Variants in WDR41 observed in about 807,000 individuals in gnomAD.
WDR41 encodes WD repeat domain 41.
A neutral mutation model predicts 69.3 loss-of-function variants in WDR41; 63 were observed. That is an observed-to-expected ratio of 0.91 (90% confidence interval 0.74 to 1.12). The LOEUF (loss-of-function observed/expected upper bound fraction) is 1.12. Among genes scored for constraint, WDR41 ranks in the 50% most tolerant of loss-of-function variants. WDR41 has a pLI of 0.00. For missense variants in WDR41, 543 were observed against 534.5 expected (o/e 1.02, Z -0.16); for synonymous variants, 185 against 192.1 (o/e 0.96, Z 0.31).
At chr5:77,538,363 C>G (rs923080767) in intron 1 of WDR41, among the ~76,000 whole-genome samples, 5 of 152,110 alleles carry the variant, frequency 3.3e-5, no homozygotes, top group African/African-American at 1.2e-4. Context: ...GGTAGTGTGA[C>G]ACTGAGGTTT....
intron 12 of WDR41, among the ~76,000 whole-genome samples, chr5:77,433,957 G>GA (rs1464130152): frequency 2.0e-5 from 3 of 152,332 alleles, no homozygotes; most frequent in Non-Finnish European, 2.9e-5. Flanking sequence ...AAGGCAGCAT[G>GA]AATACTATGG....
At chr5:77,464,906 A>G in intron 2 of WDR41, 97 bp from the exon 3 acceptor site, 2 of 1,215,760 alleles carry the variant, frequency 1.6e-6, no homozygotes, top group Non-Finnish European at 2.4e-6. Context: ...ATTTTGACTA[A>G]TATTAACGAA....
chr5:77,580,494 T>G (rs1033337575), intron 1 of WDR41, among the ~76,000 whole-genome samples: 4 of 151,988 alleles, frequency 2.6e-5, no homozygotes, highest in Non-Finnish European at 4.4e-5. Context: ...GAGATTTGGG[T>G]GGGGACACAG....
intron 1 of WDR41, among the ~76,000 whole-genome samples, chr5:77,514,869 A>G (rs1456409084): frequency 3.3e-5 from 5 of 152,216 alleles, no homozygotes; most frequent in Non-Finnish European, 5.9e-5. Flanking sequence ...CAGTAAAGAT[A>G]CAGTATGAAA....
chr5:77,459,194 A>T, intron 4 of WDR41, 70 bp from the exon 5 acceptor site: 1 of 1,143,690 alleles, frequency 8.7e-7, no homozygotes, highest in South Asian at 1.4e-5. Context: ...TCTAATTAAC[A>T]ATTAAGCCAC....
intron 1 of WDR41, among the ~76,000 whole-genome samples, chr5:77,519,110 C>T (rs1304109169): frequency 2.6e-5 from 4 of 151,740 alleles, no homozygotes; most frequent in African/African-American, 9.7e-5. Flanking sequence ...GGTACTTGAC[C>T]AGTATAATTC....
intron 10 of WDR41, 77 bp downstream of exon 10, chr5:77,438,163 C>T: frequency 1.9e-6 from 3 of 1,590,410 alleles, no homozygotes; most frequent in South Asian, 1.1e-5. Context: ...GTAACTTGGC[C>T]ACTTGAGAAA....
chr5:77,470,786 T>TA (rs974673615), intron 2 of WDR41, among the ~76,000 whole-genome samples: 13 of 152,236 alleles, frequency 8.5e-5, no homozygotes, highest in African/African-American at 3.1e-4. Context: ...AGCAAGTCCT[T>TA]AGAGACCTAG....
intron 1 of WDR41, among the ~76,000 whole-genome samples, chr5:77,574,518 AT>A (rs1437392540): frequency 6.6e-6 from 1 of 151,904 alleles, no homozygotes; most frequent in Non-Finnish European, 1.5e-5. Context: ...TTTTATGTAT[AT>A]TTTTTTCATT....
chr5:77,613,779 A>G (rs972050623), intron 1 of WDR41, among the ~76,000 whole-genome samples: 10 of 152,124 alleles, frequency 6.6e-5, no homozygotes, highest in African/African-American at 2.2e-4. Flanking sequence ...GGCAACAAAA[A>G]CCAAAATTGA....
chr5:77,469,997 T>A (rs1800500376), intron 2 of WDR41, among the ~76,000 whole-genome samples: 1 of 150,104 alleles, frequency 6.7e-6, no homozygotes, highest in Non-Finnish European at 1.5e-5. Flanking sequence ...AAAGTTGAAA[T>A]GAAGGAAAAA....
chr5:77,501,271 T>G (rs1444513501), intron 1 of WDR41, among the ~76,000 whole-genome samples: 1 of 152,244 alleles, frequency 6.6e-6, no homozygotes, highest in Non-Finnish European at 1.5e-5. Context: ...CCTTGCTCAC[T>G]GCTAGTGTAG....
intron 2 of WDR41, among the ~76,000 whole-genome samples, chr5:77,467,296 G>A (rs1191245915): frequency 1.3e-5 from 2 of 151,938 alleles, no homozygotes; most frequent in African/African-American, 4.8e-5. Context: ...AAGATTTTGA[G>A]AGAAATGTTT....
At chr5:77,534,625 GCTTT>G (rs1038332312) in intron 1 of WDR41, among the ~76,000 whole-genome samples, 3 of 151,982 alleles carry the variant, frequency 2.0e-5, no homozygotes, top group Non-Finnish European at 4.4e-5. Flanking sequence ...GTGGAGACAG[GCTTT>G]CACTATGTTG....
chr5:77,437,734 A>C (rs73139083), intron 10 of WDR41, among the ~76,000 whole-genome samples: 3,795 of 152,086 alleles, frequency 0.025, 147 homozygotes, highest in African/African-American at 0.087. Context: ...TCCTCTTGCT[A>C]CCTCTCTTCT....
chr5:77,526,311 C>CT lies in WDR41; in HGVS notation c.43-36740dup, dbSNP rs984065422. ...CTGTGTGTTCTCTAAAAAATAAGGA[C>CT]TTTTTTTTTTTACTACAATGTGGTC... On this transcript the variant is annotated intron_variant, in intron 1 of 5. Transcript: ENST00000509971. Among the ~76,000 whole-genome samples the CT allele has an allele frequency of 4.9e-3, 721 of 145,730 alleles. 10 individuals are homozygous for CT. The highest frequency in any genetic ancestry group is 0.016 in the African/African-American group (641 of 40,054).
At chr5:77,463,364 G>T in intron 3 of WDR41, 138 bp from the exon 4 acceptor site, 1 of 710,976 alleles carries the variant, frequency 1.4e-6, no homozygotes, top group Non-Finnish European at 2.0e-6. Context: ...TTTAACTTAA[G>T]CAATCACACA....
chr5:77,435,873 A>G (rs1798919465), intron 12 of WDR41, among the ~76,000 whole-genome samples: 1 of 152,226 alleles, frequency 6.6e-6, no homozygotes, highest in Admixed American at 6.5e-5. Flanking sequence ...TCTGTTCATG[A>G]ATTTGATAAA....
At chr5:77,469,541 A>G (rs1020050134) in intron 2 of WDR41, among the ~76,000 whole-genome samples, 20 of 152,162 alleles carry the variant, frequency 1.3e-4, no homozygotes, top group African/African-American at 4.8e-4. Flanking sequence ...TTTCATAAGC[A>G]GTTTGTATAC....
Sources: allele counts gnomAD v4.1 joint callset (sites outside exome capture counted in the v4.1 genomes callset), GRCh38; gene constraint gnomAD v4.1.1; transcripts MANE v1.5; gene names NCBI Gene and HGNC (gene_info 2026-07-23, HGNC 2026-07-21).